SFMBT2: variants seen among roughly 807,000 people sequenced by gnomAD.
SFMBT2 encodes Scm like with four mbt domains 2.
In SFMBT2, 38 loss-of-function variants were observed where a neutral mutation model predicts 110.1. The observed-to-expected ratio is 0.35, with a 90% confidence interval of 0.27 to 0.45. The LOEUF (loss-of-function observed/expected upper bound fraction) is 0.45. SFMBT2 is among the 20% of genes least tolerant of loss of function. The pLI, the probability that SFMBT2 is intolerant of heterozygous loss-of-function variation, is 1.00. For synonymous variants in SFMBT2, 425 were observed against 425.4 expected, an observed-to-expected ratio of 1.00 and a Z score of 0.01; for missense variants, 1,011 against 1,094.9, an observed-to-expected ratio of 0.92 and a Z score of 1.08.
intron 5 of SFMBT2, 43 bp downstream of exon 5, chr10:7,285,823 G>C (rs1209621947): frequency 1.2e-6 from 1 of 853,648 alleles, no homozygotes; most frequent in African/African-American, 1.6e-5. Context: ...CACGTAACTG[G>C]GGTGCTTCAG....
chr10:7,188,132 C>T (rs745570494), intron 16 of SFMBT2, among the ~76,000 whole-genome samples: 11 of 152,194 alleles, frequency 7.2e-5, no homozygotes, highest in Non-Finnish European at 1.2e-4. Flanking sequence ...TGACTCCACG[C>T]CAACCCAGAT....
intron 8 of SFMBT2, 117 bp downstream of exon 8, chr10:7,248,431 C>T (rs973276643): frequency 8.3e-5 from 67 of 803,060 alleles, no homozygotes; most frequent in Middle Eastern, 8.1e-4. Flanking sequence ...TCCTTAGCTT[C>T]GCCTGGCATT....
chr10:7,220,735 T>C (rs1284826503), intron 10 of SFMBT2, among the ~76,000 whole-genome samples, 198 bp from the exon 11 acceptor site: 2 of 152,220 alleles, frequency 1.3e-5, no homozygotes, highest in Non-Finnish European at 2.9e-5. Context: ...ATTAGAACTA[T>C]GCCTAGCACA....
intron 7 of SFMBT2, among the ~76,000 whole-genome samples, chr10:7,250,341 T>G (rs956929492): frequency 2.6e-5 from 4 of 152,196 alleles, no homozygotes; most frequent in Admixed American, 2.0e-4. Context: ...CATGAGGTAT[T>G]TGGCTTTCTG....
intron 15 of SFMBT2, among the ~76,000 whole-genome samples, chr10:7,195,255 GT>G (rs1361090483): frequency 1.3e-5 from 2 of 152,194 alleles, no homozygotes; most frequent in Non-Finnish European, 2.9e-5. Context: ...TTTGGATTGA[GT>G]TTAGTATCTG....
intron 2 of SFMBT2, among the ~76,000 whole-genome samples, chr10:7,378,304 GTGGATGGGTGGA>G (rs1193444317): frequency 1.6e-5 from 1 of 61,124 alleles, no homozygotes. Flanking sequence ...GGGTGTATGT[GTGGATGGGTGGA>G]TGGATGGGTG....
chr10:7,180,238 C>A (rs994054084), intron 16 of SFMBT2, among the ~76,000 whole-genome samples: 1 of 152,106 alleles, frequency 6.6e-6, no homozygotes, highest in East Asian at 1.9e-4. Flanking sequence ...GATTCTCATG[C>A]CTCAGCCTCC....
intron 4 of SFMBT2, among the ~76,000 whole-genome samples, chr10:7,361,989 T>G (rs1844734898): frequency 6.6e-6 from 1 of 152,204 alleles, no homozygotes; most frequent in Admixed American, 6.5e-5. Flanking sequence ...ATGATTTCCA[T>G]ACATTCTCAC....
At chr10:7,309,984 G>T (rs1002984073) in intron 4 of SFMBT2, among the ~76,000 whole-genome samples, 1 of 152,138 alleles carries the variant, frequency 6.6e-6, no homozygotes, top group African/African-American at 2.4e-5. Context: ...TGTTGTAGGG[G>T]ACAGCGCTGT....
At chr10:7,270,541 T>A (rs1411594703) in intron 7 of SFMBT2, among the ~76,000 whole-genome samples, 1 of 152,222 alleles carries the variant, frequency 6.6e-6, no homozygotes, top group Non-Finnish European at 1.5e-5. Context: ...TTAATGAAAG[T>A]ATCTCACCAG....
chr10:7,222,845 T>C (rs1325490571), intron 10 of SFMBT2, among the ~76,000 whole-genome samples: 1 of 152,096 alleles, frequency 6.6e-6, no homozygotes, highest in African/African-American at 2.4e-5. Context: ...AATTTTTTTA[T>C]ATTTTTAGTA....
In SFMBT2 at chr10:7,335,885, A is replaced by C. The variant is rs577702695; in HGVS notation, c.436+31764T>G. Among the ~76,000 whole-genome samples, 4 of 152,288 alleles carry C rather than the reference A, an allele frequency of 2.6e-5. No individual in the cohort carries two copies. In the South Asian group the frequency reaches 6.2e-4, roughly 24 times the overall value. ...TTTAGTTATTAAATCTATCCTCAAA[A>C]TATTTTTGTCACTAATACCATATGG... On this transcript the variant is annotated intron_variant, in intron 4 of 20. Coordinates refer to ENST00000397167, the MANE Select transcript of SFMBT2 (RefSeq NM_001387889.1).
chr10:7,250,986 T>A (rs1840786535), intron 7 of SFMBT2, among the ~76,000 whole-genome samples: 1 of 152,172 alleles, frequency 6.6e-6, no homozygotes, highest in Non-Finnish European at 1.5e-5. Context: ...ATTGACTTGC[T>A]AGCATCCGAA....
Position 7,159,604 on chromosome 10 carries a change from A to G in SFMBT2, c.*4166T>C, listed in dbSNP as rs928267434. 2 of 152,200 alleles carry G rather than the reference A, an allele frequency of 1.3e-5. No homozygotes were observed. Among genetic ancestry groups the G allele is most frequent in the African/African-American group, 4.8e-5 (2 of 41,446 alleles). 9.4% of individuals were successfully genotyped at this position (152,200 alleles called of 1,614,324 possible). ...CAACAATTTCTTCCTTAACAACTACAGGTTTCTTAATTGACTATGTTGCCT... is the reference window on the plus strand; with the variant it reads ...CAACAATTTCTTCCTTAACAACTACGGGTTTCTTAATTGACTATGTTGCCT... On this transcript the variant is annotated 3_prime_UTR_variant, in exon 21 of 21. Coordinates refer to ENST00000397167, the MANE Select transcript of SFMBT2 (RefSeq NM_001387889.1).
intron 1 of SFMBT2, among the ~76,000 whole-genome samples, chr10:7,382,559 C>G (rs1299001327): frequency 6.6e-6 from 1 of 152,140 alleles, no homozygotes; most frequent in East Asian, 1.9e-4. Flanking sequence ...CAGAAACTTG[C>G]ATTTCAGTCC....
chr10:7,362,309 T>C (rs1043059254), intron 4 of SFMBT2, among the ~76,000 whole-genome samples: 5 of 152,222 alleles, frequency 3.3e-5, no homozygotes, highest in African/African-American at 1.2e-4. Flanking sequence ...CCCCTAGTGA[T>C]GACATCTCCT....
rs566267856 is a variant in SFMBT2, at chr10:7,176,175, A to G, written c.1809-10T>C. ...TGTTTTGCCTCTGTATCTAGAAAAT[A>G]GGTGGGGAAGAAAAGCGAGGGCAAG... On this transcript the variant is annotated splice_polypyrimidine_tract_variant and intron_variant, in intron 16 of 20. Transcript: ENST00000397167. 4.3e-6 allele frequency: 7 copies of G among 1,613,900 alleles called. No individual in the cohort carries two copies. The highest frequency in any genetic ancestry group is 5.9e-6 in the Non-Finnish European group (7 of 1,179,898).
chr10:7,199,194 G>T (rs1201414275), intron 14 of SFMBT2, among the ~76,000 whole-genome samples: 2 of 152,098 alleles, frequency 1.3e-5, no homozygotes, highest in Non-Finnish European at 2.9e-5. Flanking sequence ...GGCCAGGCTG[G>T]CCTCGAACTC....
At chr10:7,409,136 G>A (rs1846303646) in intron 1 of SFMBT2, among the ~76,000 whole-genome samples, 1 of 114,452 alleles carries the variant, frequency 8.7e-6, no homozygotes, top group African/African-American at 3.4e-5. Context: ...CTTCGGTCCC[G>A]GTCCCCCACC....
Sources: gnomAD v4.1 joint callset for allele counts (sites outside exome capture counted in the v4.1 genomes callset) on GRCh38, gnomAD v4.1.1 for gene constraint, MANE v1.5 for transcripts, NCBI Gene and HGNC (gene_info 2026-07-23, HGNC 2026-07-21) for gene names.